Variants in SMARCA2 observed in about 807,000 individuals in gnomAD.
SMARCA2 encodes the protein SWI/SNF-related matrix-associated actin-dependent regulator of chromatin subfamily A member 2.
In SMARCA2, 61 loss-of-function variants were observed where a neutral mutation model predicts 199.8. The observed-to-expected ratio is 0.31, with a 90% CI of 0.25 to 0.38. The LOEUF (loss-of-function observed/expected upper bound fraction) is 0.38. SMARCA2 is among the 10% of genes least tolerant of loss of function. SMARCA2 has a pLI of 1.00. For missense variants in SMARCA2, 1,344 were observed against 2,012.2 expected, an observed-to-expected ratio of 0.67 and a Z score of 6.35; for synonymous variants, 935 against 732.0, an observed-to-expected ratio of 1.28 and a Z score of -4.48.
intron 19 of SMARCA2, among the ~76,000 whole-genome samples, chr9:2,092,589 G>T (rs1822105039): frequency 6.6e-6 from 1 of 152,172 alleles, no homozygotes; most frequent in African/African-American, 2.4e-5. Flanking sequence ...TATGAACAAA[G>T]TTCAAATACT....
At chr9:2,146,573 A>G (rs1824760126) in intron 27 of SMARCA2, among the ~76,000 whole-genome samples, 1 of 152,224 alleles carries the variant, frequency 6.6e-6, no homozygotes, top group South Asian at 2.1e-4. Context: ...ACAAGAAAGA[A>G]TTTGAGGCAA....
intron 5 of SMARCA2, 141 bp downstream of exon 5, chr9:2,047,625 G>A: frequency 9.4e-7 from 1 of 1,060,338 alleles, no homozygotes; most frequent in Admixed American, 4.6e-5. Flanking sequence ...ATCCACTCCT[G>A]GGGCCTTCCC....
In SMARCA2 at chr9:2,123,835, G is replaced by T; in HGVS notation, c.3879G>T (p.Arg1293Ser). The T allele has an allele frequency of 1.2e-6, 2 of 1,612,540 alleles. No homozygotes were observed. The highest frequency in any genetic ancestry group is 1.7e-6 in the Non-Finnish European group (2 of 1,179,402). The stretch of plus-strand genomic sequence containing the variant: ...TTAAGGATGACGCTGAAGTAGAAAG[G>T]CTCACCTGTGAAGAAGAGGAGGAGA... ...WIIKDDAEVE[R>S]LTCEEEEEKI... Residue 1293 changes from arginine (R) to serine (S), a missense_variant, in exon 27 of 34, where the codon AGG becomes AGT. This residue lies in a region of SMARCA2 where 63 missense variants were observed against 83.3 expected (regional missense o/e 0.76). Coordinates refer to ENST00000349721, the MANE Select transcript of SMARCA2 (RefSeq NM_003070.5). The surrounding 1 kb of genome is among the most constrained non-coding windows in gnomAD (Gnocchi z 4.1).
intron 4 of SMARCA2, among the ~76,000 whole-genome samples, chr9:2,046,618 C>G (rs562631046): frequency 6.6e-6 from 1 of 152,266 alleles, no homozygotes; most frequent in East Asian, 1.9e-4. Flanking sequence ...AAACTCGTTG[C>G]TCTGTTTGTA....
chr9:2,095,741 G>A (rs554885020), intron 19 of SMARCA2, among the ~76,000 whole-genome samples: 1 of 152,204 alleles, frequency 6.6e-6, no homozygotes, highest in Non-Finnish European at 1.5e-5. Context: ...CCTCAGAGCT[G>A]CAAATAATGT....
chr9:2,019,325 C>T (rs1414123671), intron 1 of SMARCA2, among the ~76,000 whole-genome samples: 1 of 152,096 alleles, frequency 6.6e-6, no homozygotes, highest in Non-Finnish European at 1.5e-5. Flanking sequence ...CAGTAACAGC[C>T]CAGCATCAGG....
intron 13 of SMARCA2, among the ~76,000 whole-genome samples, 176 bp from the exon 14 acceptor site, chr9:2,077,453 G>GC (rs1381385258): frequency 1.3e-5 from 2 of 152,108 alleles, no homozygotes; most frequent in Non-Finnish European, 2.9e-5. Flanking sequence ...CGCCTTTTGT[G>GC]CTTGCTTTTT....
chr9:2,132,846 A>G, intron 27 of SMARCA2, among the ~76,000 whole-genome samples: 1 of 152,298 alleles, frequency 6.6e-6, no homozygotes. Flanking sequence ...ACTTTGTATA[A>G]TTTTTATTTT....
At chr9:2,136,100 A>G (rs935776979) in intron 27 of SMARCA2, among the ~76,000 whole-genome samples, 3 of 151,520 alleles carry the variant, frequency 2.0e-5, no homozygotes, top group Admixed American at 2.0e-4. Flanking sequence ...TCAGCCTCCC[A>G]AAGTGCTGAG....
chr9:2,144,173 G>T (rs1824603231), intron 27 of SMARCA2, among the ~76,000 whole-genome samples: 1 of 152,144 alleles, frequency 6.6e-6, no homozygotes, highest in African/African-American at 2.4e-5. Flanking sequence ...AAATTTGAAT[G>T]AGCCCAAGAG....
At chr9:2,065,932 T>C (rs564783309) in intron 9 of SMARCA2, among the ~76,000 whole-genome samples, 2 of 152,362 alleles carry the variant, frequency 1.3e-5, no homozygotes, top group East Asian at 1.9e-4. Context: ...TTAACTGGAT[T>C]GACCAGTTAC....
At chr9:2,042,194 A>T (rs556464260) in intron 4 of SMARCA2, 1 of 152,316 alleles carries the variant, frequency 6.6e-6, no homozygotes, top group East Asian at 1.9e-4. Flanking sequence ...TAATCTTTAT[A>T]TCCCATGTCT....
chr9:2,121,124 T>A (rs2376310), intron 26 of SMARCA2, among the ~76,000 whole-genome samples: 23,968 of 152,136 alleles, frequency 0.16, 2,666 homozygotes, highest in East Asian at 0.43. Flanking sequence ...TTATACAAAT[T>A]AGATTAGGCC....
Position 2,181,555 on chromosome 9 carries a change from T to G in SMARCA2, c.4254-16T>G. The G allele has an allele frequency of 7.4e-7, 1 of 1,348,638 alleles. No homozygotes were observed. Among genetic ancestry groups the G allele is most frequent in the Non-Finnish European group, 1.1e-6 (1 of 938,978 alleles). 83.5% of individuals were successfully genotyped at this position (1,348,638 alleles called of 1,614,324 possible). A position where few individuals can be genotyped will look rare whatever the true frequency, so the allele number is the denominator to read the frequency against. ...TTTGATGTGGCTTGTTTTTGTTTGT[T>G]TCACCCATCCTACAGTTCAGGGCGA... On this transcript the variant is annotated splice_polypyrimidine_tract_variant and intron_variant, in intron 29 of 33. Transcript: ENST00000349721.
chr9:2,171,681 T>C (rs1376776373), intron 29 of SMARCA2, among the ~76,000 whole-genome samples: 1 of 152,220 alleles, frequency 6.6e-6, no homozygotes, highest in African/African-American at 2.4e-5. Context: ...CAACGAATAG[T>C]TGACTTCATA....
chr9:2,060,664 G>C, intron 8 of SMARCA2, 152 bp from the exon 9 acceptor site: 1 of 620,212 alleles, frequency 1.6e-6, no homozygotes, highest in African/African-American at 1.8e-5. Flanking sequence ...TCCCACTTCA[G>C]ACTCTGTGCA....
chr9:2,101,970 C>T (rs1586706579), intron 22 of SMARCA2, among the ~76,000 whole-genome samples: 1 of 152,086 alleles, frequency 6.6e-6, no homozygotes, highest in African/African-American at 2.4e-5. Flanking sequence ...TGACATTTGA[C>T]ATTAATGTAC....
At chr9:2,189,116 T>A (rs1177438268) in intron 32 of SMARCA2, among the ~76,000 whole-genome samples, 3 of 152,242 alleles carry the variant, frequency 2.0e-5, no homozygotes, top group African/African-American at 7.2e-5. Flanking sequence ...ATTAACAGTC[T>A]AAAATTCCTT....
chr9:2,172,238 G>C (rs892986808), intron 29 of SMARCA2, among the ~76,000 whole-genome samples: 5 of 150,064 alleles, frequency 3.3e-5, no homozygotes, highest in Non-Finnish European at 5.9e-5. Flanking sequence ...ACTGAAAATG[G>C]AAAAAAAAAA....
Sources: allele counts gnomAD v4.1 joint callset (sites outside exome capture counted in the v4.1 genomes callset), GRCh38; gene constraint gnomAD v4.1.1; regional missense constraint gnomAD v4.1.1; non-coding constraint Gnocchi (gnomAD v3.1); transcripts MANE v1.5; gene names NCBI Gene and HGNC (gene_info 2026-07-23, HGNC 2026-07-21).